The following GLIS3 variants were observed in gnomAD, a reference collection of about 807,000 sequenced individuals.
GLIS3 encodes the protein GLIS family zinc finger 3.
GLIS3 carries 53 observed loss-of-function variants against 78.6 expected under a neutral mutation model. The ratio of observed to expected loss-of-function variants is 0.67; its 90% CI spans 0.54 to 0.85. The LOEUF (loss-of-function observed/expected upper bound fraction) is 0.85, where lower values mean the gene tolerates loss of function less well. Among genes scored for constraint, GLIS3 ranks in the 40% least tolerant of loss-of-function variants. GLIS3 has a pLI of 0.00. For synonymous variants in GLIS3, 684 were observed against 509.9 expected (o/e 1.34, Z -4.60); for missense variants, 1,703 against 1,231.1 (o/e 1.38, Z -5.74).
chr9:4,088,640 C>T (rs909384438), intron 4 of GLIS3, among the ~76,000 whole-genome samples: 2 of 152,234 alleles, frequency 1.3e-5, no homozygotes, highest in Non-Finnish European at 2.9e-5. Context: ...TGAGCACCAA[C>T]TATATATTGG....
the GLIS3 span, among the ~76,000 whole-genome samples, chr9:4,383,119 C>A: frequency 3.3e-5 from 5 of 152,226 alleles, no homozygotes; most frequent in Admixed American, 6.5e-5. Flanking sequence ...GGCTGCCAGA[C>A]TTAATGTGAG....
At chr9:4,353,667 G>A in the GLIS3 span, among the ~76,000 whole-genome samples, 5 of 152,180 alleles carry the variant, frequency 3.3e-5, no homozygotes, top group African/African-American at 1.2e-4. Flanking sequence ...TAGAGTCTAA[G>A]ATCATCTCGA....
intron 9 of GLIS3, among the ~76,000 whole-genome samples, chr9:3,835,698 A>G (rs958363788): frequency 2.6e-5 from 4 of 152,246 alleles, no homozygotes; most frequent in African/African-American, 9.6e-5. Flanking sequence ...AACAGAGACC[A>G]TCCAATGTAA....
chr9:3,881,529 T>C (rs530823413), intron 7 of GLIS3, among the ~76,000 whole-genome samples: 3 of 152,334 alleles, frequency 2.0e-5, no homozygotes, highest in Non-Finnish European at 4.4e-5. Flanking sequence ...TTAGCTATAC[T>C]TGGCATTAGC....
chr9:4,389,612 TTC>T, the GLIS3 span, among the ~76,000 whole-genome samples: 1 of 152,172 alleles, frequency 6.6e-6, no homozygotes, highest in Admixed American at 6.5e-5. Context: ...CTAAATATAC[TTC>T]TTAGTCCTGG....
the GLIS3 span, among the ~76,000 whole-genome samples, chr9:4,480,202 T>G: frequency 4.0e-5 from 3 of 75,620 alleles, no homozygotes; most frequent in African/African-American, 1.4e-4. Context: ...TGGGCTTTCT[T>G]TTTTTTTTTT....
At chr9:4,206,802 TTA>T (rs147869924) in intron 2 of GLIS3, among the ~76,000 whole-genome samples, 3,337 of 152,342 alleles carry the variant, frequency 0.022, 128 homozygotes, top group African/African-American at 0.076. Flanking sequence ...GTTTAACTGT[TTA>T]TTGAAATGCG....
chr9:4,116,723 T>G lies in GLIS3; in HGVS notation c.1710+1045A>C, dbSNP rs528866071. ...GCTGGGGAACCACAGTACAAATAAATTTCTGTTTAAATTGATTTATATATT... is the reference window on the plus strand; with the variant it reads ...GCTGGGGAACCACAGTACAAATAAAGTTCTGTTTAAATTGATTTATATATT... On this transcript the variant is annotated intron_variant, in intron 4 of 10. Transcript: ENST00000381971. 7.2e-5 allele frequency among the ~76,000 whole-genome samples: 11 copies of G among 152,340 alleles called. No individual in the cohort carries two copies. The South Asian group carries it at 2.1e-3, about 29-fold the overall frequency.
chr9:4,065,432 T>C (rs1044644027), intron 4 of GLIS3, among the ~76,000 whole-genome samples: 1 of 152,258 alleles, frequency 6.6e-6, no homozygotes, highest in Non-Finnish European at 1.5e-5. Context: ...CTTTTCATAC[T>C]AACGCTGTAA....
intron 5 of GLIS3, among the ~76,000 whole-genome samples, chr9:3,935,599 A>G (rs1825857826): frequency 6.6e-6 from 1 of 152,240 alleles, no homozygotes; most frequent in Non-Finnish European, 1.5e-5. Context: ...ATTTCTCAAG[A>G]CAATCTTGTC....
chr9:4,182,416 G>C (rs187628181), intron 2 of GLIS3, among the ~76,000 whole-genome samples: 3 of 152,138 alleles, frequency 2.0e-5, no homozygotes, highest in African/African-American at 7.2e-5. Flanking sequence ...AACCAGGTAG[G>C]GTAATAAATT....
chr9:4,288,714 C>T (rs973443895), intron 1 of GLIS3, among the ~76,000 whole-genome samples: 2 of 144,850 alleles, frequency 1.4e-5, no homozygotes, highest in South Asian at 2.3e-4. Context: ...ACTACACTCC[C>T]GTTTTAAATA....
chr9:4,319,701 A>C (rs1817493548), intron 2 of GLIS3, among the ~76,000 whole-genome samples: 1 of 151,938 alleles, frequency 6.6e-6, no homozygotes, highest in Non-Finnish European at 1.5e-5. Flanking sequence ...GGCTAATTTT[A>C]TTTTGGGAGG....
At chr9:4,105,916 C>A (rs1408829562) in intron 4 of GLIS3, among the ~76,000 whole-genome samples, 1 of 152,136 alleles carries the variant, frequency 6.6e-6, no homozygotes, top group Admixed American at 6.5e-5. Flanking sequence ...AGCAGTGGGT[C>A]AATTCACTAG....
chr9:4,159,648 G>C (rs1218717754), intron 2 of GLIS3, among the ~76,000 whole-genome samples: 2 of 152,076 alleles, frequency 1.3e-5, no homozygotes, highest in African/African-American at 4.8e-5. Context: ...GAATCCGGGA[G>C]GCAGAGGTTG....
intron 2 of GLIS3, among the ~76,000 whole-genome samples, chr9:4,233,244 C>T (rs1486198048): frequency 6.6e-6 from 1 of 152,118 alleles, no homozygotes; most frequent in African/African-American, 2.4e-5. Context: ...ATTCAAACAC[C>T]CCAAGTTATA....
At chr9:4,259,463 G>C (rs966385980) in intron 2 of GLIS3, among the ~76,000 whole-genome samples, 2 of 151,960 alleles carry the variant, frequency 1.3e-5, no homozygotes, top group African/African-American at 4.8e-5. Context: ...AGGAAGTTAG[G>C]GGTGGGGGAA....
the GLIS3 span, among the ~76,000 whole-genome samples, chr9:4,480,583 A>G: frequency 1.3e-5 from 2 of 152,158 alleles, no homozygotes; most frequent in African/African-American, 2.4e-5. Flanking sequence ...CTAATGCTAT[A>G]TATCATACAG....
At chr9:4,004,012 A>G (rs1821338285) in intron 4 of GLIS3, among the ~76,000 whole-genome samples, 1 of 152,224 alleles carries the variant, frequency 6.6e-6, no homozygotes, top group Admixed American at 6.5e-5. Flanking sequence ...AAGCTGAAAT[A>G]AACAACCTGT....
Sources: gnomAD v4.1 joint callset for allele counts (sites outside exome capture counted in the v4.1 genomes callset) on GRCh38, gnomAD v4.1.1 for gene constraint, MANE v1.5 for transcripts, NCBI Gene and HGNC (gene_info 2026-07-23, HGNC 2026-07-21) for gene names.